The following ARK2N variants were observed in gnomAD, a reference collection of about 807,000 sequenced individuals.
ARK2N encodes the protein arkadia (RNF111) N-terminal like PKA signaling regulator 2N, also known as protein ARK2N.
At chr18:46,176,457 CT>C in the ARK2N span, among the ~76,000 whole-genome samples, 1,279 of 133,264 alleles carry the variant, frequency 9.6e-3, 3 homozygotes, top group African/African-American at 0.016. Flanking sequence ...TGTGTGTGTG[CT>C]TTTTTTTTTT....
the ARK2N span, among the ~76,000 whole-genome samples, chr18:46,225,917 C>T: frequency 6.6e-6 from 1 of 152,198 alleles, no homozygotes; most frequent in Non-Finnish European, 1.5e-5. Context: ...GAGCCATCCT[C>T]TTCCTTGCTT....
the ARK2N span, among the ~76,000 whole-genome samples, chr18:46,194,598 T>C: frequency 2.2e-4 from 33 of 151,090 alleles, 1 homozygote; most frequent in African/African-American, 7.8e-4. Flanking sequence ...CTCAGTCTCC[T>C]GAGTAGCTGG....
At chr18:46,175,485 C>T in the ARK2N span, among the ~76,000 whole-genome samples, 2 of 151,918 alleles carry the variant, frequency 1.3e-5, no homozygotes, top group African/African-American at 4.8e-5. Flanking sequence ...CTAGATTCCT[C>T]CAGTAATCAG....
the ARK2N span, among the ~76,000 whole-genome samples, chr18:46,252,333 G>C: frequency 6.6e-6 from 1 of 151,894 alleles, no homozygotes; most frequent in Admixed American, 6.6e-5. Context: ...CTGGAGTGCA[G>C]TGGCGCGATC....
the ARK2N span, among the ~76,000 whole-genome samples, chr18:46,249,674 T>C: frequency 2.0e-5 from 3 of 152,362 alleles, no homozygotes; most frequent in Non-Finnish European, 4.4e-5. Context: ...TTTTGGAATA[T>C]GAACAGGTCT....
At chr18:46,207,142 A>T in the ARK2N span, among the ~76,000 whole-genome samples, 23 of 152,106 alleles carry the variant, frequency 1.5e-4, no homozygotes. Context: ...TCATGTGAGG[A>T]ACTCTCCTGT....
the ARK2N span, among the ~76,000 whole-genome samples, chr18:46,180,669 C>G: frequency 6.6e-6 from 1 of 151,850 alleles, no homozygotes; most frequent in Non-Finnish European, 1.5e-5. Context: ...TGCCATTGCA[C>G]TCCAGCCTGG....
chr18:46,176,694 C>G, the ARK2N span, among the ~76,000 whole-genome samples: 2 of 151,966 alleles, frequency 1.3e-5, no homozygotes, highest in African/African-American at 2.4e-5. Flanking sequence ...CTCCACTCAC[C>G]GCAACCTCCA....
At chr18:46,174,066 C>T in the ARK2N span, 1 of 152,498 alleles carries the variant, frequency 6.6e-6, no homozygotes, top group Non-Finnish European at 1.5e-5. Flanking sequence ...CCTCTGGTGA[C>T]ATTTTCTTGG....
the ARK2N span, among the ~76,000 whole-genome samples, chr18:46,198,310 CAAAAAA>C: frequency 2.9e-5 from 2 of 69,114 alleles, no homozygotes; most frequent in African/African-American, 1.1e-4. Flanking sequence ...ACTCCATCTC[CAAAAAA>C]AAAAAAAAAA....
chr18:46,196,866 A>G, the ARK2N span, among the ~76,000 whole-genome samples: 7 of 152,294 alleles, frequency 4.6e-5, no homozygotes, highest in Admixed American at 4.6e-4. Context: ...TTTTAGTGGA[A>G]ACCTCAGATT....
the ARK2N span, among the ~76,000 whole-genome samples, chr18:46,181,490 G>A: frequency 8.7e-5 from 13 of 149,786 alleles, no homozygotes; most frequent in East Asian, 4.0e-4. Flanking sequence ...CTGAGGCGGC[G>A]GATCATGAGG....
chr18:46,202,100 G>T, the ARK2N span, among the ~76,000 whole-genome samples: 2 of 152,030 alleles, frequency 1.3e-5, no homozygotes, highest in African/African-American at 2.4e-5. Flanking sequence ...TCTTAACTTT[G>T]CCCTGGCCTA....
chr18:46,206,867 C>T, the ARK2N span, among the ~76,000 whole-genome samples: 1 of 151,958 alleles, frequency 6.6e-6, no homozygotes, highest in East Asian at 1.9e-4. Context: ...GTCTTGACCT[C>T]CCAGGCTCAA....
At chr18:46,208,784 A>T in the ARK2N span, among the ~76,000 whole-genome samples, 1 of 152,226 alleles carries the variant, frequency 6.6e-6, no homozygotes, top group Non-Finnish European at 1.5e-5. Context: ...TAAATCTTTT[A>T]TGTGTCCTTA....
At chr18:46,177,910 A>T in the ARK2N span, among the ~76,000 whole-genome samples, 2 of 152,184 alleles carry the variant, frequency 1.3e-5, no homozygotes, top group African/African-American at 4.8e-5. Flanking sequence ...TTCAAAAAAT[A>T]ATAATTCATA....
the ARK2N span, among the ~76,000 whole-genome samples, chr18:46,215,276 A>G: frequency 6.6e-6 from 1 of 152,170 alleles, no homozygotes; most frequent in Admixed American, 6.5e-5. Context: ...CTGAGATTGC[A>G]CCATTGCACT....
chr18:46,216,647 C>A, the ARK2N span: 1 of 1,460,148 alleles, frequency 6.8e-7, no homozygotes, highest in Non-Finnish European at 9.2e-7. The surrounding 1 kb of genome is among the most constrained non-coding windows in gnomAD (Gnocchi z 4.3). Flanking sequence ...CATTTCTCAG[C>A]TATCAGGTTC....
chr18:46,219,530 C>T, the ARK2N span, among the ~76,000 whole-genome samples: 23 of 149,610 alleles, frequency 1.5e-4, no homozygotes, highest in African/African-American at 4.9e-4. Flanking sequence ...AGTGCAGTGG[C>T]GCGATCTCTG....
Sources: gnomAD v4.1 joint callset for allele counts (sites outside exome capture counted in the v4.1 genomes callset) on GRCh38, gnomAD v4.1.1 for gene constraint, Gnocchi (gnomAD v3.1) non-coding constraint, MANE v1.5 for transcripts, NCBI Gene and HGNC (gene_info 2026-07-23, HGNC 2026-07-21) for gene names.